The following ARHGAP15 variants were observed in gnomAD, a reference collection of about 807,000 sequenced individuals.
ARHGAP15 encodes the protein rho GTPase-activating protein 15.
A neutral mutation model predicts 63.7 loss-of-function variants in ARHGAP15; 51 were observed. The ratio of observed to expected loss-of-function variants is 0.80; its 90% confidence interval spans 0.64 to 1.01. The LOEUF (loss-of-function observed/expected upper bound fraction) is 1.01. Among genes scored for constraint, ARHGAP15 ranks in the 50% least tolerant of loss-of-function variants. The pLI is 0.00. For synonymous variants in ARHGAP15, 191 were observed against 193.8 expected, an observed-to-expected ratio of 0.99 and a Z score of 0.12; for missense variants, 560 against 564.6, an observed-to-expected ratio of 0.99 and a Z score of 0.08.
At chr2:143,599,647 A>G (rs1300726046) in intron 11 of ARHGAP15, among the ~76,000 whole-genome samples, 1 of 152,176 alleles carries the variant, frequency 6.6e-6, no homozygotes, top group African/African-American at 2.4e-5. Context: ...AAAACCAGAA[A>G]TGTATGTCTC....
At chr2:143,553,108 TA>T (rs1291408004) in intron 10 of ARHGAP15, among the ~76,000 whole-genome samples, 1 of 152,190 alleles carries the variant, frequency 6.6e-6, no homozygotes, top group Non-Finnish European at 1.5e-5. Context: ...ATTTGGGTAA[TA>T]GTCCTAGAAC....
At chr2:143,666,940 G>A (rs1682230987) in intron 12 of ARHGAP15, among the ~76,000 whole-genome samples, 1 of 140,118 alleles carries the variant, frequency 7.1e-6, no homozygotes, top group Non-Finnish European at 1.5e-5. Flanking sequence ...GAGAGGATGT[G>A]GAGAAATAGG....
intron 10 of ARHGAP15, among the ~76,000 whole-genome samples, chr2:143,552,552 GA>G (rs1332844273): frequency 3.8e-5 from 5 of 132,520 alleles, no homozygotes; most frequent in Admixed American, 1.5e-4. Context: ...TTCTTCAGGA[GA>G]AAAAAAAGTC....
intron 6 of ARHGAP15, among the ~76,000 whole-genome samples, chr2:143,358,679 C>A (rs1418828659): frequency 8.6e-5 from 13 of 151,098 alleles, no homozygotes; most frequent in Non-Finnish European, 1.6e-4. Flanking sequence ...AAATAGATAG[C>A]TATGCAACAT....
intron 6 of ARHGAP15, among the ~76,000 whole-genome samples, chr2:143,282,016 T>C (rs1050098813): frequency 7.2e-5 from 11 of 152,120 alleles, no homozygotes; most frequent in African/African-American, 2.4e-4. Flanking sequence ...TACTCATAAG[T>C]TTTTTCTTTT....
At chr2:143,346,226 ACACT>A (rs1293487613) in intron 6 of ARHGAP15, among the ~76,000 whole-genome samples, 3 of 128,840 alleles carry the variant, frequency 2.3e-5, no homozygotes, top group Admixed American at 8.1e-5. Context: ...TCTCTCACAC[ACACT>A]CTCTCTCACA....
intron 13 of ARHGAP15, among the ~76,000 whole-genome samples, chr2:143,707,958 AGTT>A (rs1213586264): frequency 6.6e-6 from 1 of 152,160 alleles, no homozygotes; most frequent in East Asian, 1.9e-4. Context: ...TATTTCTTTG[AGTT>A]GTTGGATTGT....
At chr2:143,585,865 C>T (rs917174227) in intron 11 of ARHGAP15, among the ~76,000 whole-genome samples, 2 of 152,006 alleles carry the variant, frequency 1.3e-5, no homozygotes, top group Admixed American at 1.3e-4. Flanking sequence ...ATGTTCACCC[C>T]TTTGTTATTT....
chr2:143,364,493 G>A (rs1002588936), intron 6 of ARHGAP15, among the ~76,000 whole-genome samples: 11 of 152,032 alleles, frequency 7.2e-5, no homozygotes, highest in African/African-American at 2.7e-4. Flanking sequence ...TAAAACCTGA[G>A]CATGATACTT....
intron 6 of ARHGAP15, among the ~76,000 whole-genome samples, chr2:143,334,140 T>C (rs1684669896): frequency 6.6e-6 from 1 of 152,168 alleles, no homozygotes; most frequent in South Asian, 2.1e-4. Flanking sequence ...GTATAGACCA[T>C]ACTGAAATGG....
Position 143,332,430 on chromosome 2 carries a change from C to A in ARHGAP15, c.474+81830C>A, listed in dbSNP as rs142921271. Among the ~76,000 whole-genome samples, 51 of 151,998 alleles carry A rather than the reference C, an allele frequency of 3.4e-4. 1 individual carries two copies. In the East Asian group the frequency reaches 9.5e-3, roughly 28 times the overall value. ...ATCTGTTGTATTTTTCAGTTGAGAT[C>A]TTTTATGCTTTATATTGTATCTAAT... On this transcript the variant is annotated intron_variant, in intron 6 of 13. Coordinates refer to ENST00000295095, the MANE Select transcript of ARHGAP15 (RefSeq NM_018460.4).
intron 9 of ARHGAP15, among the ~76,000 whole-genome samples, chr2:143,489,292 A>G (rs1319614585): frequency 1.3e-5 from 2 of 152,228 alleles, no homozygotes; most frequent in East Asian, 3.8e-4. Flanking sequence ...TGGAACCGCT[A>G]AACACACTCT....
intron 9 of ARHGAP15, among the ~76,000 whole-genome samples, chr2:143,502,645 T>C (rs1559013721): frequency 6.6e-6 from 1 of 151,910 alleles, no homozygotes; most frequent in Non-Finnish European, 1.5e-5. Context: ...AATGGCACGA[T>C]CTTTGCTCAC....
At chr2:143,431,502 T>C (rs543594604) in intron 6 of ARHGAP15, among the ~76,000 whole-genome samples, 3 of 152,176 alleles carry the variant, frequency 2.0e-5, no homozygotes, top group Admixed American at 2.0e-4. Flanking sequence ...TATACTGAAG[T>C]TCTGATACAA....
chr2:143,620,727 T>C (rs1166442327), intron 11 of ARHGAP15, among the ~76,000 whole-genome samples: 1 of 152,232 alleles, frequency 6.6e-6, no homozygotes, highest in Non-Finnish European at 1.5e-5. Context: ...GACATGATGA[T>C]AACAATAGCA....
intron 13 of ARHGAP15, chr2:143,703,948 A>T (rs1412416316): frequency 6.6e-6 from 1 of 151,988 alleles, no homozygotes; most frequent in Non-Finnish European, 1.5e-5. Context: ...CATCTGTAAA[A>T]TGTTGGCTCA....
At chr2:143,419,682 A>G (rs528832858) in intron 6 of ARHGAP15, among the ~76,000 whole-genome samples, 3 of 152,096 alleles carry the variant, frequency 2.0e-5, no homozygotes, top group Non-Finnish European at 2.9e-5. Flanking sequence ...GTATATAAAC[A>G]TAACATATGT....
chr2:143,358,701 CAG>C (rs1247428615), intron 6 of ARHGAP15, among the ~76,000 whole-genome samples: 7 of 151,336 alleles, frequency 4.6e-5, no homozygotes, highest in Non-Finnish European at 8.8e-5. Context: ...TCTATACTAA[CAG>C]ATTCTTCTAT....
chr2:143,334,149 G>C (rs1029741286), intron 6 of ARHGAP15, among the ~76,000 whole-genome samples: 3 of 152,072 alleles, frequency 2.0e-5, no homozygotes, highest in Admixed American at 2.0e-4. Context: ...ATACTGAAAT[G>C]GTAGGAACTG....
Sources: gnomAD v4.1 joint callset for allele counts (sites outside exome capture counted in the v4.1 genomes callset) on GRCh38, gnomAD v4.1.1 for gene constraint, MANE v1.5 for transcripts, NCBI Gene and HGNC (gene_info 2026-07-23, HGNC 2026-07-21) for gene names.